PCDHGB7: variants seen among roughly 807,000 people sequenced by gnomAD.
PCDHGB7 encodes the protein protocadherin gamma subfamily B, 7.
Under a neutral mutation model 61.4 loss-of-function variants are expected in PCDHGB7, and 37 were observed. The observed-to-expected ratio is 0.60, with a 90% CI of 0.46 to 0.79. The LOEUF is 0.79. Ranked by LOEUF, PCDHGB7 falls within the 30% of genes least tolerant of loss-of-function variation. The probability of loss-of-function intolerance (pLI) is 0.00; values close to 1 mark genes in which losing one functional copy is unlikely to be tolerated. For synonymous variants in PCDHGB7, 464 were observed against 503.5 expected, an observed-to-expected ratio of 0.92 and a Z score of 1.05; for missense variants, 1,166 against 1,202.5, an observed-to-expected ratio of 0.97 and a Z score of 0.45.
chr5:141,477,211 C>G lies in PCDHGB7; in HGVS notation c.2416-17596C>G. 2 of 1,614,154 alleles carry G rather than the reference C, an allele frequency of 1.2e-6. No individual in the cohort carries two copies. Among genetic ancestry groups the G allele is most frequent in the Non-Finnish European group, 1.7e-6 (2 of 1,180,036 alleles). On this transcript the variant is annotated intron_variant, in intron 1 of 3. Transcript: ENST00000398594. The surrounding 1 kb of genome is among the most constrained non-coding windows in gnomAD (Gnocchi z 4.9). ...TGTACAGCCCAGTACCCGAGGATGC[C>G]CCTCTGGGGACTGTCATCGCTTTGC...
Position 141,419,796 on chromosome 5 carries a change from T to A in PCDHGB7, c.1937T>A (p.Val646Glu). The change falls in exon 1 of 4, where the codon GTA (valine) becomes GAA (glutamate). Residue 646 changes from valine to glutamate, a missense_variant. Physicochemically the swap from Val to Glu is moderately radical, Grantham distance 121 (BLOSUM62 -2). Coordinates refer to ENST00000398594, the MANE Select transcript of PCDHGB7 (RefSeq NM_018927.4). ...GTCCGCCAGCGCCTGCTAGTCGCTG[T>A]AAGAGATGGAGGACAGCCACCCCTT... ...DSVRQRLLVA[V>E]RDGGQPPLSA... is the part of the protein sequence containing the mutation. 1 of 1,614,026 alleles carries A rather than the reference T, an allele frequency of 6.2e-7. No homozygotes were observed.
intron 2 of PCDHGB7, among the ~76,000 whole-genome samples, chr5:141,495,507 C>T (rs1380258502): frequency 6.6e-6 from 1 of 152,188 alleles, no homozygotes; most frequent in African/African-American, 2.4e-5. Context: ...TCCGTCTTTG[C>T]CACTTTCTCT....
chr5:141,504,209 C>T (rs1305672612), intron 2 of PCDHGB7, among the ~76,000 whole-genome samples: 1 of 152,180 alleles, frequency 6.6e-6, no homozygotes, highest in Non-Finnish European at 1.5e-5. Flanking sequence ...TGGGAAAATT[C>T]CAAGTAGAGC....
At chr5:141,448,602 A>G (rs1350132402) in intron 1 of PCDHGB7, among the ~76,000 whole-genome samples, 1 of 152,154 alleles carries the variant, frequency 6.6e-6, no homozygotes, top group Non-Finnish European at 1.5e-5. Flanking sequence ...AAAATACTAT[A>G]CACCACTTTA....
chr5:141,478,415 C>G (rs182700706), intron 1 of PCDHGB7: 5 of 1,613,648 alleles, frequency 3.1e-6, no homozygotes, highest in Non-Finnish European at 4.2e-6. Context: ...CACGGACTCC[C>G]GCCGCAGCGA....
chr5:141,418,439 T>C lies in PCDHGB7; in HGVS notation c.580T>C (p.Leu194=), dbSNP rs1284999606. The C allele has an allele frequency of 6.2e-7, 1 of 1,613,812 alleles. No individual in the cohort carries two copies. Among genetic ancestry groups the C allele is most frequent in the Non-Finnish European group, 8.5e-7 (1 of 1,179,880 alleles). ...DNPDGGKYPE[L]VLQKTLDRET... ...TCCTGATGGTGGCAAATATCCAGAA[T>C]TAGTATTGCAGAAGACTCTGGACCG... The change falls in exon 1 of 4, where the codon TTA becomes CTA. Residue 194 remains leucine (L), a synonymous_variant. Transcript: ENST00000398594.
intron 2 of PCDHGB7, among the ~76,000 whole-genome samples, chr5:141,498,112 AG>A (rs947089103): frequency 2.0e-5 from 3 of 152,232 alleles, no homozygotes; most frequent in African/African-American, 7.2e-5. Flanking sequence ...GGCGTATAAT[AG>A]GGATTTGATT....
chr5:141,422,222 C>A (rs1453283842), intron 1 of PCDHGB7: 2 of 1,564,972 alleles, frequency 1.3e-6, no homozygotes, highest in South Asian at 1.2e-5. Flanking sequence ...TTTACCACCA[C>A]GACGATGTTG....
In PCDHGB7 at chr5:141,489,180, CTGGGTCTACCT is replaced by C. The variant is rs906371381; in HGVS notation, c.2416-5623_2416-5613del. 6.3e-5 allele frequency: 79 copies of C among 1,259,748 alleles called. No individual in the cohort carries two copies. The African/African-American group carries it at 9.3e-4, about 15-fold the overall frequency. 78.0% of individuals were successfully genotyped at this position (1,259,748 alleles called of 1,614,324 possible). ...GACTTCAGCTGCTGCATTCCAAGCCCTGGGTCTACCTTGGAGACAGGACAGCACAGACTTAC... is the reference window on the plus strand; with the variant it reads ...GACTTCAGCTGCTGCATTCCAAGCCCTGGAGACAGGACAGCACAGACTTAC... On this transcript the variant is annotated intron_variant, in intron 1 of 3. Coordinates refer to ENST00000398594, the MANE Select transcript of PCDHGB7 (RefSeq NM_018927.4). This position sits in a 1 kb window ranked among gnomAD's most constrained non-coding sequence, Gnocchi z 4.5.
At chr5:141,423,463 G>T (rs772779471) in intron 1 of PCDHGB7, 22 of 1,613,992 alleles carry the variant, frequency 1.4e-5, no homozygotes, top group Non-Finnish European at 1.8e-5. Context: ...AGGCGTGGAC[G>T]GGGTACAGGC....
At position 141,501,332 on chromosome 5, in the gene PCDHGB7, CA is replaced by C. The variant is rs1257793029; in HGVS notation, c.2475-4060del. 1.8e-3 allele frequency among the ~76,000 whole-genome samples: 265 copies of C among 149,784 alleles called. 1 individual carries two copies. The highest frequency in any genetic ancestry group is 5.2e-3 in the African/African-American group (209 of 40,512). On this transcript the variant is annotated intron_variant, in intron 2 of 3. Transcript: ENST00000398594. Reference sequence around the variant, plus strand: ...ACACACACACACACACACACACACACACCCCAAACTCAATAGGGCAAGAACC... The same window carrying C: ...ACACACACACACACACACACACACACCCCCAAACTCAATAGGGCAAGAACC...
intron 1 of PCDHGB7, among the ~76,000 whole-genome samples, chr5:141,437,842 A>G (rs1372385076): frequency 2.0e-5 from 3 of 150,650 alleles, no homozygotes; most frequent in East Asian, 3.9e-4. Context: ...GGTTCATGCT[A>G]TTCTCCTGCC....
intron 2 of PCDHGB7, among the ~76,000 whole-genome samples, chr5:141,501,026 G>A (rs1053442173): frequency 7.9e-5 from 12 of 151,608 alleles, no homozygotes; most frequent in Non-Finnish European, 1.5e-4. Flanking sequence ...GCGCCACCAC[G>A]CCCAGCTAAT....
At chr5:141,443,029 C>T (rs1281303741) in intron 1 of PCDHGB7, among the ~76,000 whole-genome samples, 3 of 152,192 alleles carry the variant, frequency 2.0e-5, no homozygotes, top group Non-Finnish European at 2.9e-5. Flanking sequence ...AGTTGCCAGA[C>T]CTAAACTTTG....
In PCDHGB7 at chr5:141,476,034, C is replaced by G. The variant is rs934044974; in HGVS notation, c.2416-18773C>G. On this transcript the variant is annotated intron_variant, in intron 1 of 3. Transcript: ENST00000398594. This position sits in a 1 kb window ranked among gnomAD's most constrained non-coding sequence, Gnocchi z 7.6. ...CCATGTCGGACTCGGCGCCCAGCGC[C>G]CAAGCGCTAACCCGCTGAAAGTTTC... The G allele has an allele frequency of 2.0e-6, 3 of 1,464,488 alleles. No homozygotes were observed. Among genetic ancestry groups the G allele is most frequent in the Non-Finnish European group, 2.7e-6 (3 of 1,100,656 alleles). 90.7% of individuals were successfully genotyped at this position (1,464,488 alleles called of 1,614,324 possible). A position where few individuals can be genotyped will look rare whatever the true frequency, so the allele number is the denominator to read the frequency against.
chr5:141,485,193 G>T lies in PCDHGB7; in HGVS notation c.2416-9614G>T. The T allele has an allele frequency of 6.2e-7, 1 of 1,613,988 alleles. No homozygotes were observed. Among genetic ancestry groups the T allele is most frequent in the Non-Finnish European group, 8.5e-7 (1 of 1,179,852 alleles). The stretch of plus-strand genomic sequence containing the variant: ...GCAGCAATGCTCCGCAAGGTGAGAA[G>T]CTGGACAGAAATCTGGCGGTGGGCT... On this transcript the variant is annotated intron_variant, in intron 1 of 3. Transcript: ENST00000398594. The surrounding 1 kb of genome is among the most constrained non-coding windows in gnomAD (Gnocchi z 5.7).
rs753678898 is a variant in PCDHGB7, at chr5:141,419,601, C to T, written c.1742C>T (p.Ala581Val). 6.2e-7 allele frequency: 1 copy of T among 1,611,818 alleles called. No individual in the cohort carries two copies. The highest frequency in any genetic ancestry group is 1.1e-5 in the South Asian group (1 of 90,982). Residue 581 changes from alanine to valine, a missense_variant, in exon 1 of 4, where the codon GCC (alanine) becomes GTC (valine). Coordinates refer to ENST00000398594, the MANE Select transcript of PCDHGB7 (RefSeq NM_018927.4). ...GCGCTCTTCGACACAGTGCCGCGGG[C>T]CGCGCAGCCAGGCTACCTGGTGACC... ...GSALFDTVPR[A>V]AQPGYLVTKV...
Position 141,477,514 on chromosome 5 carries a change from T to G in PCDHGB7, c.2416-17293T>G. 1 of 1,614,114 alleles carries G rather than the reference T, an allele frequency of 6.2e-7. No individual in the cohort carries two copies. Among genetic ancestry groups the G allele is most frequent in the Non-Finnish European group, 8.5e-7 (1 of 1,180,026 alleles). On this transcript the variant is annotated intron_variant, in intron 1 of 3. Coordinates refer to ENST00000398594, the MANE Select transcript of PCDHGB7 (RefSeq NM_018927.4). The surrounding 1 kb of genome is among the most constrained non-coding windows in gnomAD (Gnocchi z 4.9). Reference sequence around the variant, plus strand: ...CTCAATCTTCCTACGACGTTTACATTGAAGAAAACAACCTCCCCGGGGCTC... The same window carrying G: ...CTCAATCTTCCTACGACGTTTACATGGAAGAAAACAACCTCCCCGGGGCTC...
In PCDHGB7 at chr5:141,476,833, C is replaced by T. The variant is rs746365316; in HGVS notation, c.2416-17974C>T. 1.4e-5 allele frequency: 23 copies of T among 1,613,524 alleles called. No homozygotes were observed. Among genetic ancestry groups the T allele is most frequent in the Non-Finnish European group, 1.9e-5 (23 of 1,180,050 alleles). On this transcript the variant is annotated intron_variant, in intron 1 of 3. Coordinates refer to ENST00000398594, the MANE Select transcript of PCDHGB7 (RefSeq NM_018927.4). The surrounding 1 kb of genome is among the most constrained non-coding windows in gnomAD (Gnocchi z 7.6). Reference sequence around the variant, plus strand: ...ACATCAAGGTGCTGGACGCGAATGACAATGCGCCTGTCTTCAACCAGTCCT... The same window carrying T: ...ACATCAAGGTGCTGGACGCGAATGATAATGCGCCTGTCTTCAACCAGTCCT...
Sources: gnomAD v4.1 joint callset for allele counts (sites outside exome capture counted in the v4.1 genomes callset) on GRCh38, gnomAD v4.1.1 for gene constraint, Gnocchi (gnomAD v3.1) non-coding constraint, MANE v1.5 for transcripts, NCBI Gene and HGNC (gene_info 2026-07-23, HGNC 2026-07-21) for gene names.